DLAT: variants seen among roughly 807,000 people sequenced by gnomAD.
DLAT encodes dihydrolipoamide S-acetyltransferase.
DLAT carries 43 observed loss-of-function variants against 68.0 expected under a neutral mutation model. That is an observed-to-expected ratio of 0.63 (90% CI 0.50 to 0.81). The LOEUF (loss-of-function observed/expected upper bound fraction) is 0.81, where lower values mean the gene tolerates loss of function less well. Ranked by LOEUF, DLAT falls within the 40% of genes least tolerant of loss-of-function variation. The pLI is 0.00. For missense variants in DLAT, 745 were observed against 815.4 expected, an observed-to-expected ratio of 0.91 and a Z score of 1.05; for synonymous variants, 265 against 288.6, an observed-to-expected ratio of 0.92 and a Z score of 0.83.
intron 11 of DLAT, among the ~76,000 whole-genome samples, chr11:112,054,047 A>T (rs138882288): frequency 0.038 from 5,720 of 151,558 alleles, 336 homozygotes; most frequent in African/African-American, 0.13. Flanking sequence ...GGTGGCTCAC[A>T]CCTGTAATCC....
At chr11:112,027,568 T>C (rs1430070010) in intron 2 of DLAT, among the ~76,000 whole-genome samples, 6 of 151,906 alleles carry the variant, frequency 3.9e-5, no homozygotes, top group Non-Finnish European at 7.4e-5. Flanking sequence ...GTGGAGGTTG[T>C]AGCGAGCCGA....
intron 11 of DLAT, among the ~76,000 whole-genome samples, chr11:112,058,452 T>C (rs1209044247): frequency 1.3e-5 from 2 of 152,134 alleles, no homozygotes; most frequent in African/African-American, 2.4e-5. Context: ...AGCTTGTGCC[T>C]AGAAAGAGCT....
At chr11:112,056,809 A>G (rs1864119639) in intron 11 of DLAT, among the ~76,000 whole-genome samples, 1 of 152,188 alleles carries the variant, frequency 6.6e-6, no homozygotes, top group African/African-American at 2.4e-5. Context: ...TAAGTGTTCC[A>G]GTTTCTCTAT....
intron 7 of DLAT, among the ~76,000 whole-genome samples, chr11:112,042,869 G>A (rs781837176): frequency 3.8e-4 from 58 of 152,272 alleles, no homozygotes; most frequent in Middle Eastern, 3.4e-3. Context: ...ACCACATAAG[G>A]AATGAATGAT....
Position 112,033,259 on chromosome 11 carries a change from G to A in DLAT, c.661-145G>A, listed in dbSNP as rs961196363. The A allele has an allele frequency of 4.4e-6, 4 of 918,176 alleles. No individual in the cohort carries two copies. The African/African-American group carries it at 4.9e-5, about 11-fold the overall frequency. The allele number at this position is 918,176 out of a possible 1,614,324, so 56.9% of individuals were successfully genotyped here. A position where few individuals can be genotyped will look rare whatever the true frequency, so the allele number is the denominator to read the frequency against. ...TGAAGGATGATTTACCTGGTGGGAA[G>A]CTATTGAGGTGTGAAGCTTTTGCTG... On this transcript the variant is annotated intron_variant, in intron 4 of 13. Transcript: ENST00000280346.
intron 11 of DLAT, among the ~76,000 whole-genome samples, chr11:112,053,538 C>T (rs782156926): frequency 2.0e-5 from 3 of 151,970 alleles, no homozygotes; most frequent in Admixed American, 6.6e-5. Flanking sequence ...CTGCAACCTC[C>T]GCCTCCCGAG....
At chr11:112,053,079 T>C (rs1482463434) in intron 11 of DLAT, among the ~76,000 whole-genome samples, 1 of 152,178 alleles carries the variant, frequency 6.6e-6, no homozygotes, top group African/African-American at 2.4e-5. Context: ...CTCAGCACTT[T>C]GAGAGGCCGA....
intron 10 of DLAT, among the ~76,000 whole-genome samples, chr11:112,050,017 A>G (rs676922): frequency 0.51 from 76,909 of 152,104 alleles, 21,757 homozygotes; most frequent in African/African-American, 0.78. Flanking sequence ...TGAGGTTTCC[A>G]TAGATCAGGT....
chr11:112,045,409 C>T (rs1308953424), intron 9 of DLAT, among the ~76,000 whole-genome samples, 179 bp downstream of exon 9: 1 of 152,090 alleles, frequency 6.6e-6, no homozygotes, highest in African/African-American at 2.4e-5. Context: ...TTAGAAGGGC[C>T]AGGCGCAGTA....
intron 2 of DLAT, among the ~76,000 whole-genome samples, chr11:112,026,998 CCA>C (rs1400037872): frequency 6.6e-6 from 1 of 151,008 alleles, no homozygotes; most frequent in Admixed American, 6.6e-5. Flanking sequence ...GGGGCTGGCC[CCA>C]CCACCTCCCT....
chr11:112,055,210 G>A (rs1863935693), intron 11 of DLAT, among the ~76,000 whole-genome samples: 2 of 146,998 alleles, frequency 1.4e-5, no homozygotes, highest in Admixed American at 1.4e-4. Flanking sequence ...GGCATTGACA[G>A]TCTTCCGTAA....
chr11:112,032,578 A>G (rs1862472727), intron 4 of DLAT: 1 of 152,052 alleles, frequency 6.6e-6, no homozygotes, highest in South Asian at 2.1e-4. Flanking sequence ...ATTTTAGTAT[A>G]TGTGTTGCTG....
At chr11:112,055,865 T>TTTTTTTA (rs1864015879) in intron 11 of DLAT, among the ~76,000 whole-genome samples, 1 of 106,656 alleles carries the variant, frequency 9.4e-6, no homozygotes, top group Non-Finnish European at 1.9e-5. Context: ...TTTTTTTTTT[T>TTTTTTTA]TTTTTTTTTT....
chr11:112,059,976 C>T lies in DLAT; in HGVS notation c.1588C>T (p.His530Tyr), dbSNP rs781922814. The T allele has an allele frequency of 1.9e-6, 3 of 1,613,764 alleles. No individual in the cohort carries two copies. Among genetic ancestry groups the T allele is most frequent in the East Asian group, 2.2e-5 (1 of 44,866 alleles). The change falls in exon 12 of 14, where the codon CAT (histidine) becomes TAT (tyrosine). Residue 530 changes from histidine (H) to tyrosine (Y), a missense_variant. Physicochemically the swap from His to Tyr is moderately conservative, Grantham distance 83 (BLOSUM62 2). Transcript: ENST00000280346. ...CATCACACCTATTGTGTTTAATGCA[C>T]ATATAAAAGGAGTGGAAACCATTGC... Reference protein sequence around the residue: ...GLITPIVFNAHIKGVETIAND... With the variant: ...GLITPIVFNAYIKGVETIAND...
At position 112,025,686 on chromosome 11, in the gene DLAT, C is replaced by T; in HGVS notation, c.214C>T (p.Arg72Cys). 6.2e-7 allele frequency: 1 copy of T among 1,613,104 alleles called. No individual in the cohort carries two copies. Among genetic ancestry groups the T allele is most frequent in the Non-Finnish European group, 8.5e-7 (1 of 1,179,974 alleles). Residue 72 changes from arginine to cysteine, a missense_variant, in exon 1 of 14, where the codon CGC becomes TGC. Physicochemically the swap from Arg to Cys is radical, Grantham distance 180. Transcript: ENST00000280346. ...CAGTTCTGGGGCCACGCCGCGGAAC[C>T]GCTTACTGCTGCAGCTTTTGGGGTC... ...TPSSGATPRN[R>C]LLLQLLGSPG...
At chr11:112,026,709 T>A (rs1489647668) in intron 2 of DLAT, among the ~76,000 whole-genome samples, 5 of 152,278 alleles carry the variant, frequency 3.3e-5, no homozygotes, top group Admixed American at 3.3e-4. Context: ...CTCCCATGTC[T>A]ACCTCTTTCT....
intron 12 of DLAT, among the ~76,000 whole-genome samples, chr11:112,060,336 A>G (rs1555183079): frequency 6.7e-6 from 1 of 149,730 alleles, no homozygotes; most frequent in South Asian, 2.1e-4. Context: ...AGTTTTTTGT[A>G]TTTTTAGTAG....
chr11:112,031,485 C>T (rs1172153271), intron 4 of DLAT, among the ~76,000 whole-genome samples: 2 of 151,132 alleles, frequency 1.3e-5, no homozygotes, highest in Non-Finnish European at 3.0e-5. Flanking sequence ...GGCATGATTT[C>T]GGCTCACTGC....
At chr11:112,057,440 G>A (rs916592579) in intron 11 of DLAT, among the ~76,000 whole-genome samples, 2 of 152,170 alleles carry the variant, frequency 1.3e-5, no homozygotes, top group Non-Finnish European at 2.9e-5. Context: ...GCCAACTTGT[G>A]AATACAAAGA....
Sources: allele counts gnomAD v4.1 joint callset (sites outside exome capture counted in the v4.1 genomes callset), GRCh38; gene constraint gnomAD v4.1.1; transcripts MANE v1.5; gene names NCBI Gene and HGNC (gene_info 2026-07-23, HGNC 2026-07-21).